Variants in ACSM3 observed in about 807,000 individuals in gnomAD.
ACSM3 encodes acyl-coenzyme A synthetase ACSM3, mitochondrial.
Under a neutral mutation model 74.1 loss-of-function variants are expected in ACSM3, and 61 were observed. The ratio of observed to expected loss-of-function variants is 0.82; its 90% CI spans 0.67 to 1.02. The LOEUF (loss-of-function observed/expected upper bound fraction) is 1.02. Among genes scored for constraint, ACSM3 ranks in the 50% least tolerant of loss-of-function variants. The pLI is 0.00. For missense variants in ACSM3, 660 were observed against 697.0 expected, an observed-to-expected ratio of 0.95 and a Z score of 0.60; for synonymous variants, 213 against 241.5, an observed-to-expected ratio of 0.88 and a Z score of 1.09.
chr16:20,777,405 AC>A lies in ACSM3; in HGVS notation c.466del (p.Gln156ArgfsTer22). On this transcript the variant is annotated frameshift_variant, in exon 4 of 14. Coordinates refer to ENST00000289416, the MANE Select transcript of ACSM3 (RefSeq NM_005622.4). LOFTEE classifies it high-confidence loss of function. ...TVLIPGTTQL[T>X]QKDILYRLQS... ...TTTAATTCCAGGAACCACTCAGCTG[AC>A]CCAGAAAGACATTCTCTACAGACTA... The A allele has an allele frequency of 6.2e-7, 1 of 1,614,038 alleles. No individual in the cohort carries two copies. Among genetic ancestry groups the A allele is most frequent in the Non-Finnish European group, 8.5e-7 (1 of 1,179,954 alleles).
chr16:20,749,504 C>T (rs1490524782), intron 1 of ACSM3: 5 of 152,132 alleles, frequency 3.3e-5, no homozygotes, highest in Non-Finnish European at 5.9e-5. Context: ...AAGGGAATCC[C>T]CTGTGAAGGT....
chr16:20,727,980 A>G (rs1485931499), intron 1 of ACSM3, among the ~76,000 whole-genome samples: 1 of 152,206 alleles, frequency 6.6e-6, no homozygotes, highest in Admixed American at 6.5e-5. Flanking sequence ...AATGCTCCAG[A>G]ATCTCCAATT....
chr16:20,788,249 C>T (rs577173986), intron 9 of ACSM3, among the ~76,000 whole-genome samples: 2 of 152,334 alleles, frequency 1.3e-5, no homozygotes, highest in Non-Finnish European at 2.9e-5. Context: ...TAAGCACACT[C>T]ATGTCTGCAT....
intron 1 of ACSM3, among the ~76,000 whole-genome samples, chr16:20,688,739 C>G (rs887034906): frequency 1.3e-5 from 2 of 151,792 alleles, no homozygotes; most frequent in Non-Finnish European, 2.9e-5. Flanking sequence ...GTTCACTATC[C>G]CTAGACTTGC....
chr16:20,675,211 C>T (rs1411225942), intron 1 of ACSM3, among the ~76,000 whole-genome samples: 1 of 152,034 alleles, frequency 6.6e-6, no homozygotes. Flanking sequence ...TCACCCGGGA[C>T]ACGAGAGAGG....
chr16:20,737,410 A>T, intron 1 of ACSM3: 13 of 982,330 alleles, frequency 1.3e-5, no homozygotes, highest in Non-Finnish European at 1.9e-5. Flanking sequence ...TTCTATGTGG[A>T]CTTCAAATAA....
At chr16:20,778,016 T>C (rs2080277255) in intron 4 of ACSM3, among the ~76,000 whole-genome samples, 1 of 152,120 alleles carries the variant, frequency 6.6e-6, no homozygotes, top group South Asian at 2.1e-4. Context: ...TTGGATGGGG[T>C]TGTCCCTAGG....
intron 12 of ACSM3, chr16:20,795,955 T>C (rs1209110990): frequency 6.4e-6 from 1 of 155,394 alleles, no homozygotes; most frequent in Admixed American, 6.5e-5. Flanking sequence ...TTCTGCCAGT[T>C]AAAGGCCACC....
intron 1 of ACSM3, among the ~76,000 whole-genome samples, chr16:20,718,016 A>AGAAGAAGAG (rs2079771296): frequency 2.0e-5 from 3 of 149,370 alleles, no homozygotes; most frequent in East Asian, 2.0e-4. Context: ...AAGAAGAAGA[A>AGAAGAAGAG]GAAGAAGAAG....
chr16:20,781,654 A>C, intron 6 of ACSM3, 54 bp from the exon 7 acceptor site: 1 of 1,302,340 alleles, frequency 7.7e-7, no homozygotes, highest in Non-Finnish European at 1.1e-6. Context: ...AAAGACATTT[A>C]AGCACTTATT....
chr16:20,748,180 TAAAC>T (rs1015543380), intron 1 of ACSM3, among the ~76,000 whole-genome samples: 226 of 151,966 alleles, frequency 1.5e-3, no homozygotes, highest in African/African-American at 5.2e-3. Context: ...AATAAATAAA[TAAAC>T]AAAGAGTCTA....
chr16:20,771,498 G>T (rs551060336), intron 2 of ACSM3, among the ~76,000 whole-genome samples: 1 of 147,658 alleles, frequency 6.8e-6, no homozygotes, highest in Non-Finnish European at 1.5e-5. Flanking sequence ...TTATCTTTCC[G>T]TGTCTGACTT....
At chr16:20,729,538 T>C (rs1158965945) in intron 1 of ACSM3, 1 of 545,314 alleles carries the variant, frequency 1.8e-6, no homozygotes, top group Non-Finnish European at 3.4e-6. Context: ...GTAGTCCATA[T>C]CCAATTTGTG....
At chr16:20,744,532 A>G (rs2079949930) in intron 1 of ACSM3, among the ~76,000 whole-genome samples, 1 of 152,150 alleles carries the variant, frequency 6.6e-6, no homozygotes, top group Non-Finnish European at 1.5e-5. Context: ...TTACCTGTGC[A>G]TGCCACCACG....
intron 1 of ACSM3, chr16:20,681,610 A>G (rs553200888): frequency 2.6e-5 from 4 of 152,818 alleles, no homozygotes; most frequent in Non-Finnish European, 4.4e-5. Flanking sequence ...AGTTGATGGC[A>G]TTAACCAAAT....
intron 1 of ACSM3, chr16:20,741,734 C>T (rs2079927591): frequency 1.9e-6 from 3 of 1,569,414 alleles, no homozygotes; most frequent in Non-Finnish European, 2.6e-6. Flanking sequence ...GGGCAGGGGC[C>T]GCCATGGTGT....
At chr16:20,735,925 T>C (rs1475017042) in intron 1 of ACSM3, 2 of 152,040 alleles carry the variant, frequency 1.3e-5, no homozygotes, top group Non-Finnish European at 2.9e-5. Context: ...CAACCATGCA[T>C]ATTTTCCTTT....
intron 1 of ACSM3, among the ~76,000 whole-genome samples, chr16:20,719,897 C>A (rs1292851183): frequency 6.6e-6 from 1 of 152,196 alleles, no homozygotes; most frequent in Non-Finnish European, 1.5e-5. Flanking sequence ...CAACCAGGGA[C>A]AGCTAGATTG....
intron 1 of ACSM3, chr16:20,736,964 C>T: frequency 1.2e-6 from 2 of 1,614,130 alleles, no homozygotes; most frequent in Non-Finnish European, 1.7e-6. Context: ...CATTTACCAC[C>T]TGTGGATTAG....
Sources: allele counts gnomAD v4.1 joint callset (sites outside exome capture counted in the v4.1 genomes callset), GRCh38; gene constraint gnomAD v4.1.1; transcripts MANE v1.5; gene names NCBI Gene and HGNC (gene_info 2026-07-23, HGNC 2026-07-21).